The following GTF2E1 variants were observed in gnomAD, a reference collection of about 807,000 sequenced individuals.
GTF2E1 encodes general transcription factor IIE subunit 1.
In GTF2E1, 14 loss-of-function variants were observed where a neutral mutation model predicts 34.9. The ratio of observed to expected loss-of-function variants is 0.40; its 90% CI spans 0.27 to 0.63. GTF2E1 has a LOEUF of 0.63. GTF2E1 is among the 20% of genes least tolerant of loss of function. The pLI, the probability that GTF2E1 is intolerant of heterozygous loss-of-function variation, is 0.39. For synonymous variants in GTF2E1, 188 were observed against 192.9 expected (o/e 0.97, Z 0.21); for missense variants, 469 against 557.7 (o/e 0.84, Z 1.60).
At chr3:120,778,919 G>T (rs1420545532) in intron 4 of GTF2E1, among the ~76,000 whole-genome samples, 1 of 152,054 alleles carries the variant, frequency 6.6e-6, no homozygotes, top group Non-Finnish European at 1.5e-5. Flanking sequence ...TTCTGCCCAC[G>T]TATACAACCT....
intron 4 of GTF2E1, among the ~76,000 whole-genome samples, chr3:120,780,591 C>T (rs1369911988): frequency 6.6e-6 from 1 of 152,114 alleles, no homozygotes; most frequent in South Asian, 2.1e-4. Flanking sequence ...TAGGCCATTG[C>T]AAAGCTTTTG....
intron 2 of GTF2E1, among the ~76,000 whole-genome samples, chr3:120,752,594 A>G (rs962225615): frequency 3.3e-5 from 5 of 152,330 alleles, no homozygotes; most frequent in Non-Finnish European, 7.4e-5. Flanking sequence ...GAGACTGATC[A>G]TGATACTCTT....
intron 1 of GTF2E1, among the ~76,000 whole-genome samples, chr3:120,749,161 A>G (rs1709139624): frequency 6.6e-6 from 1 of 152,100 alleles, no homozygotes; most frequent in African/African-American, 2.4e-5. Flanking sequence ...GGGCTGAGAC[A>G]ATGGGGTTTT....
chr3:120,753,386 G>GTA (rs1330321913), intron 2 of GTF2E1, among the ~76,000 whole-genome samples: 4 of 152,098 alleles, frequency 2.6e-5, no homozygotes, highest in Non-Finnish European at 5.9e-5. Context: ...GCCCAGTCCT[G>GTA]TACAAATACC....
intron 1 of GTF2E1, among the ~76,000 whole-genome samples, chr3:120,748,847 G>A (rs964397798): frequency 2.0e-5 from 3 of 152,138 alleles, no homozygotes; most frequent in African/African-American, 7.2e-5. Context: ...TGGGCAGTAT[G>A]GCCATTTTCA....
intron 2 of GTF2E1, among the ~76,000 whole-genome samples, chr3:120,758,652 A>G (rs1316546228): frequency 4.6e-5 from 7 of 151,872 alleles, no homozygotes; most frequent in South Asian, 4.2e-4. Context: ...ACTCCCACCT[A>G]TGAGTGAGAA....
chr3:120,748,022 G>A (rs1218834068), intron 1 of GTF2E1, among the ~76,000 whole-genome samples: 2 of 151,358 alleles, frequency 1.3e-5, no homozygotes, highest in African/African-American at 4.8e-5. Context: ...ATTTTTTCAT[G>A]TGTTTTTTGG....
At chr3:120,776,398 G>T in intron 3 of GTF2E1, 25 bp from the exon 4 acceptor site, 1 of 1,595,142 alleles carries the variant, frequency 6.3e-7, no homozygotes, top group Non-Finnish European at 8.5e-7. Flanking sequence ...TCTTCTTCCT[G>T]TACTCCTCTA....
chr3:120,766,734 T>C (rs1220805834), intron 2 of GTF2E1, among the ~76,000 whole-genome samples: 1 of 152,120 alleles, frequency 6.6e-6, no homozygotes, highest in Non-Finnish European at 1.5e-5. Context: ...TGATCCCTGA[T>C]TGTTTTATCT....
intron 3 of GTF2E1, among the ~76,000 whole-genome samples, chr3:120,775,029 G>A (rs1156381191): frequency 3.3e-5 from 5 of 152,126 alleles, no homozygotes; most frequent in African/African-American, 1.2e-4. Context: ...CCAGAGGATG[G>A]TCAGAAACAC....
intron 4 of GTF2E1, among the ~76,000 whole-genome samples, chr3:120,780,450 G>A (rs1576364487): frequency 6.6e-6 from 1 of 152,156 alleles, no homozygotes; most frequent in Non-Finnish European, 1.5e-5. Flanking sequence ...TAATGCAAAG[G>A]CCCTGAGGTA....
At chr3:120,776,757 G>C in intron 4 of GTF2E1, 93 bp downstream of exon 4, 1 of 1,118,582 alleles carries the variant, frequency 8.9e-7, no homozygotes, top group African/African-American at 1.6e-5. Flanking sequence ...TTCTGGATCT[G>C]TTCTACAGAA....
intron 4 of GTF2E1, among the ~76,000 whole-genome samples, chr3:120,780,622 A>C (rs1012082386): frequency 6.6e-6 from 1 of 152,198 alleles, no homozygotes; most frequent in Non-Finnish European, 1.5e-5. Context: ...TGAGTGAGAT[A>C]AAGAGCCATG....
At chr3:120,750,488 TA>T in intron 1 of GTF2E1, 34 bp from the exon 2 acceptor site, 1 of 1,284,842 alleles carries the variant, frequency 7.8e-7, no homozygotes, top group Non-Finnish European at 1.1e-6. Flanking sequence ...CATGTTCTTA[TA>T]CCTGGCTAAT....
intron 1 of GTF2E1, among the ~76,000 whole-genome samples, chr3:120,743,257 C>T (rs1559827690): frequency 6.6e-6 from 1 of 152,208 alleles, no homozygotes; most frequent in Non-Finnish European, 1.5e-5. Flanking sequence ...CTGGTCTCTT[C>T]GCATCCACTT....
At chr3:120,743,706 T>C (rs1401860308) in intron 1 of GTF2E1, among the ~76,000 whole-genome samples, 1 of 151,474 alleles carries the variant, frequency 6.6e-6, no homozygotes, top group Non-Finnish European at 1.5e-5. Context: ...GAGAAGGGGG[T>C]TTGGGCTTAG....
At chr3:120,778,458 A>G (rs1312054847) in intron 4 of GTF2E1, among the ~76,000 whole-genome samples, 2 of 152,304 alleles carry the variant, frequency 1.3e-5, no homozygotes, top group African/African-American at 2.4e-5. Context: ...ATCTTTCACA[A>G]TTGTATCGAC....
chr3:120,766,874 C>T (rs1358422186), intron 2 of GTF2E1, among the ~76,000 whole-genome samples: 1 of 151,982 alleles, frequency 6.6e-6, no homozygotes, highest in Admixed American at 6.6e-5. Flanking sequence ...GTCCTCCTGC[C>T]CCTTGCCACT....
chr3:120,765,529 G>A (rs1709300160), intron 2 of GTF2E1, among the ~76,000 whole-genome samples: 1 of 152,144 alleles, frequency 6.6e-6, no homozygotes, highest in Admixed American at 6.5e-5. Context: ...TAGCTGGCAG[G>A]GCTGATAGGA....
Sources: allele counts gnomAD v4.1 joint callset (sites outside exome capture counted in the v4.1 genomes callset), GRCh38; gene constraint gnomAD v4.1.1; transcripts MANE v1.5; gene names NCBI Gene and HGNC (gene_info 2026-07-23, HGNC 2026-07-21).